Variants in BICRAL observed in about 807,000 individuals in gnomAD.
BICRAL encodes the protein BRD4-interacting chromatin-remodeling complex-associated protein-like.
A neutral mutation model predicts 91.8 loss-of-function variants in BICRAL; 8 were observed. The ratio of observed to expected loss-of-function variants is 0.09; its 90% CI spans 0.05 to 0.16. The LOEUF (loss-of-function observed/expected upper bound fraction) is 0.16, where lower values mean the gene tolerates loss of function less well. Ranked by LOEUF, BICRAL falls within the 10% of genes least tolerant of loss-of-function variation. The pLI is 1.00. For missense variants in BICRAL, 1,038 were observed against 1,310.9 expected, an observed-to-expected ratio of 0.79 and a Z score of 3.21; for synonymous variants, 445 against 491.1, an observed-to-expected ratio of 0.91 and a Z score of 1.24.
At chr6:42,855,819 A>G in intron 8 of BICRAL, 37 bp from the exon 9 acceptor site, 1 of 1,532,702 alleles carries the variant, frequency 6.5e-7, no homozygotes, top group East Asian at 2.2e-5. Flanking sequence ...TCTTTTTTCT[A>G]TAAAAGGGAA....
chr6:42,861,835 G>T (rs1441469600), intron 11 of BICRAL, among the ~76,000 whole-genome samples: 5 of 151,290 alleles, frequency 3.3e-5, no homozygotes, highest in Non-Finnish European at 7.4e-5. Flanking sequence ...CCTGTCTCTT[G>T]TAAAAATAAA....
chr6:42,794,996 A>G (rs1232578967), intron 1 of BICRAL, among the ~76,000 whole-genome samples: 1 of 151,878 alleles, frequency 6.6e-6, no homozygotes, highest in East Asian at 1.9e-4. Flanking sequence ...AAGTCATGCA[A>G]GAGTCTATTT....
intron 6 of BICRAL, among the ~76,000 whole-genome samples, chr6:42,848,264 A>T (rs544594883): frequency 7.1e-4 from 108 of 151,946 alleles, no homozygotes; most frequent in African/African-American, 2.3e-3. Context: ...AAAAAAAAAA[A>T]TTAGCCAGGC....
In BICRAL at chr6:42,857,019, T is replaced by C. The variant is rs1408794554; in HGVS notation, c.2109-72T>C. On this transcript the variant is annotated intron_variant, in intron 9 of 12. Transcript: ENST00000314073. ...TCCTATATATCTTATTTTATTTGCA[T>C]GCAAATAAATATGACTAGATTTAAT... The C allele has an allele frequency of 6.3e-6, 8 of 1,273,756 alleles. No homozygotes were observed. In the Admixed American group the frequency reaches 6.4e-5, roughly 10 times the overall value. The allele number at this position is 1,273,756 out of a possible 1,614,324, so 78.9% of individuals were successfully genotyped here.
Position 42,866,716 on chromosome 6 carries a change from C to T in BICRAL, c.*1270C>T. ...TGCCCTGTCATGGTTTCTGTTTGGC[C>T]TGTGTTCATATTAGTGAGCATGGCT... On this transcript the variant is annotated 3_prime_UTR_variant, in exon 13 of 13. Transcript: ENST00000314073. The T allele has an allele frequency of 2.3e-6, 1 of 435,694 alleles. No homozygotes were observed. Among genetic ancestry groups the T allele is most frequent in the Non-Finnish European group, 4.6e-6 (1 of 216,520 alleles). The allele number at this position is 435,694 out of a possible 1,614,324, so 27.0% of individuals were successfully genotyped here.
intron 1 of BICRAL, among the ~76,000 whole-genome samples, chr6:42,768,236 C>T (rs1171216532): frequency 6.6e-6 from 1 of 152,158 alleles, no homozygotes; most frequent in African/African-American, 2.4e-5. Flanking sequence ...AACTTACCAA[C>T]CACTGGAATG....
intron 1 of BICRAL, among the ~76,000 whole-genome samples, chr6:42,786,859 G>C (rs1261960049): frequency 1.3e-5 from 2 of 152,156 alleles, no homozygotes; most frequent in Non-Finnish European, 2.9e-5. Context: ...TCTGAGCAAG[G>C]GGAGAAATTA....
At chr6:42,856,059 A>G in intron 9 of BICRAL, 142 bp downstream of exon 9, 1 of 726,262 alleles carries the variant, frequency 1.4e-6, no homozygotes. Flanking sequence ...AGGCATGGTG[A>G]CTCACTCCTG....
intron 6 of BICRAL, among the ~76,000 whole-genome samples, chr6:42,850,834 A>T (rs142449909): frequency 2.0e-5 from 3 of 152,034 alleles, no homozygotes; most frequent in East Asian, 3.9e-4. Context: ...GCACCACTGC[A>T]CTCCAGCCTG....
At chr6:42,856,068 T>C (rs1765341732) in intron 9 of BICRAL, 151 bp downstream of exon 9, 2 of 702,874 alleles carry the variant, frequency 2.8e-6, no homozygotes, top group Non-Finnish European at 5.1e-6. Context: ...GACTCACTCC[T>C]GTAATCTCAG....
chr6:42,756,295 CT>C (rs1762458288), intron 1 of BICRAL, among the ~76,000 whole-genome samples: 1 of 152,128 alleles, frequency 6.6e-6, no homozygotes, highest in Non-Finnish European at 1.5e-5. Context: ...TTGATTACCC[CT>C]TCTTCTCACA....
chr6:42,847,653 G>A (rs556284780), intron 6 of BICRAL, among the ~76,000 whole-genome samples: 7 of 152,068 alleles, frequency 4.6e-5, no homozygotes, highest in African/African-American at 1.2e-4. Context: ...GGCCAGGCAC[G>A]GTGACTCACA....
chr6:42,857,600 T>TAAAAAAA (rs748078737), intron 10 of BICRAL, among the ~76,000 whole-genome samples: 22 of 101,316 alleles, frequency 2.2e-4, no homozygotes, highest in African/African-American at 7.5e-4. Flanking sequence ...CACTGTCTCT[T>TAAAAAAA]AAAAAAAAAA....
chr6:42,846,261 A>G (rs1157024032), intron 6 of BICRAL, among the ~76,000 whole-genome samples: 2 of 151,240 alleles, frequency 1.3e-5, no homozygotes, highest in African/African-American at 2.4e-5. Context: ...CCAACTACTC[A>G]GGAGGCTGAG....
intron 2 of BICRAL, among the ~76,000 whole-genome samples, chr6:42,818,183 T>C (rs1434566609): frequency 2.0e-5 from 3 of 152,162 alleles, no homozygotes; most frequent in African/African-American, 4.8e-5. Flanking sequence ...AACTTTTCTG[T>C]CTTTGCCAAT....
intron 1 of BICRAL, among the ~76,000 whole-genome samples, chr6:42,754,032 G>GA (rs1264299181): frequency 6.1e-5 from 8 of 130,130 alleles, no homozygotes; most frequent in African/African-American, 2.3e-4. Context: ...ACACTTCATG[G>GA]GAAGGCATGA....
At chr6:42,812,355 G>C (rs1426146187) in intron 2 of BICRAL, among the ~76,000 whole-genome samples, 1 of 152,040 alleles carries the variant, frequency 6.6e-6, no homozygotes, top group Non-Finnish European at 1.5e-5. Flanking sequence ...TACTTTGGGA[G>C]GCTGAGGCAG....
intron 1 of BICRAL, among the ~76,000 whole-genome samples, chr6:42,755,827 G>A (rs989233989): frequency 9.9e-5 from 15 of 151,898 alleles, no homozygotes; most frequent in African/African-American, 2.9e-4. Context: ...ACGCCGCCAC[G>A]CCCGGCTAAT....
chr6:42,771,945 T>C (rs1234199324), intron 1 of BICRAL, among the ~76,000 whole-genome samples: 2 of 152,230 alleles, frequency 1.3e-5, no homozygotes, highest in Non-Finnish European at 2.9e-5. Context: ...TCACAAGATA[T>C]GCTGATTTGG....
Sources: gnomAD v4.1 joint callset for allele counts (sites outside exome capture counted in the v4.1 genomes callset) on GRCh38, gnomAD v4.1.1 for gene constraint, MANE v1.5 for transcripts, NCBI Gene and HGNC (gene_info 2026-07-23, HGNC 2026-07-21) for gene names.